Variants in MAGI2 observed in about 807,000 individuals in gnomAD.
The protein encoded by MAGI2 is membrane-associated guanylate kinase, WW and PDZ domain-containing protein 2.
In MAGI2, 35 loss-of-function variants were observed where a neutral mutation model predicts 133.3. That is an observed-to-expected ratio of 0.26 (90% CI 0.20 to 0.35). The LOEUF is 0.35. MAGI2 is among the 10% of genes least tolerant of loss of function. The pLI, the probability that MAGI2 is intolerant of heterozygous loss-of-function variation, is 1.00. For synonymous variants in MAGI2, 729 were observed against 710.6 expected (o/e 1.03, Z -0.41); for missense variants, 1,636 against 1,863.4 (o/e 0.88, Z 2.25).
At position 78,019,533 on chromosome 7, in the gene MAGI2, C is replaced by T. The variant is rs1808091846; in HGVS notation, c.4150G>A (p.Gly1384Arg). 1 of 980,452 alleles carries T rather than the reference C, an allele frequency of 1.0e-6. No individual in the cohort carries two copies. Among genetic ancestry groups the T allele is most frequent in the African/African-American group, 1.8e-5 (1 of 56,546 alleles). The allele number at this position is 980,452 out of a possible 1,614,324, so 60.7% of individuals were successfully genotyped here. The change falls in exon 22 of 22, where the codon GGG becomes AGG. Residue 1384 changes from glycine to arginine, a missense_variant. Gly to Arg is a moderately radical substitution (Grantham distance 125). This residue lies in a region of MAGI2 where 354 missense variants were observed against 298.7 expected (regional missense o/e 1.19). Transcript: ENST00000354212. ...GGGCCGGCAAACGCCGGCGCAGCCC[C>T]CGGGCCTTCGCGCCGGCAGAGCTCG... is the stretch of plus-strand genomic sequence containing the variant. ...GSELCRREGP[G>R]AAPAFAGPGG...
chr7:79,399,348 C>T (rs1845308320), intron 1 of MAGI2, among the ~76,000 whole-genome samples: 1 of 151,948 alleles, frequency 6.6e-6, no homozygotes, highest in Non-Finnish European at 1.5e-5. Context: ...CCCACCTCAG[C>T]CTCCCAAAGT....
chr7:79,028,679 T>C (rs780200744), intron 1 of MAGI2, among the ~76,000 whole-genome samples: 13 of 152,274 alleles, frequency 8.5e-5, no homozygotes, highest in Non-Finnish European at 1.3e-4. Flanking sequence ...CCCTGCCTAA[T>C]TGATGACTTA....
At chr7:78,938,653 G>A (rs1800725419) in intron 2 of MAGI2, among the ~76,000 whole-genome samples, 1 of 152,014 alleles carries the variant, frequency 6.6e-6, no homozygotes, top group South Asian at 2.1e-4. Flanking sequence ...ATCCAAGACT[G>A]GGCTACTTAG....
At chr7:78,479,493 G>A (rs1474423411) in intron 6 of MAGI2, among the ~76,000 whole-genome samples, 1 of 151,842 alleles carries the variant, frequency 6.6e-6, no homozygotes, top group Non-Finnish European at 1.5e-5. Context: ...ACTTGCAAGT[G>A]GCACCAGCAG....
chr7:78,366,836 G>A (rs1364462655), intron 7 of MAGI2, among the ~76,000 whole-genome samples: 1 of 151,994 alleles, frequency 6.6e-6, no homozygotes, highest in Non-Finnish European at 1.5e-5. Context: ...ACTGACACTG[G>A]TCAACTCTAT....
chr7:79,042,138 A>C (rs1330171519), intron 1 of MAGI2, among the ~76,000 whole-genome samples: 1 of 152,208 alleles, frequency 6.6e-6, no homozygotes, highest in Non-Finnish European at 1.5e-5. Flanking sequence ...AATATTTACA[A>C]CTTAATTATC....
At chr7:78,229,296 G>A (rs939053788) in intron 10 of MAGI2, among the ~76,000 whole-genome samples, 4 of 152,178 alleles carry the variant, frequency 2.6e-5, no homozygotes, top group African/African-American at 9.7e-5. Flanking sequence ...AGCTCCATTA[G>A]AGGTAAGGAA....
intron 2 of MAGI2, among the ~76,000 whole-genome samples, chr7:78,741,989 A>C (rs1290800081): frequency 2.6e-5 from 4 of 152,032 alleles, no homozygotes; most frequent in African/African-American, 9.6e-5. Context: ...TAATAACTAG[A>C]AATTAATCAT....
chr7:78,023,297 A>C (rs1467279443), intron 21 of MAGI2, among the ~76,000 whole-genome samples: 1 of 152,182 alleles, frequency 6.6e-6, no homozygotes, highest in Non-Finnish European at 1.5e-5. Flanking sequence ...AGAAGAGTTC[A>C]ATTTAGTTCT....
At chr7:78,908,033 C>T (rs1431813550) in intron 2 of MAGI2, among the ~76,000 whole-genome samples, 1 of 152,034 alleles carries the variant, frequency 6.6e-6, no homozygotes, top group Non-Finnish European at 1.5e-5. Flanking sequence ...AGATGATGTC[C>T]TACCTAAAAG....
chr7:78,745,154 T>G (rs1296205131), intron 2 of MAGI2, among the ~76,000 whole-genome samples: 1 of 152,226 alleles, frequency 6.6e-6, no homozygotes, highest in African/African-American at 2.4e-5. Flanking sequence ...CTGTGCTTTT[T>G]TCTTCTCATG....
intron 3 of MAGI2, among the ~76,000 whole-genome samples, chr7:78,583,175 T>C (rs775325158): frequency 2.4e-4 from 37 of 152,188 alleles, no homozygotes; most frequent in Non-Finnish European, 7.3e-5. Flanking sequence ...AAAAAAGAAC[T>C]GAGCCTTGAC....
rs147334421 is a variant in MAGI2 at position 78,425,718 on chromosome 7, G to C, written c.1046-56505C>G. ...TGGAGAAACCTCACAAACTTTCTTGGGCAATAAAGGCATCTGAGATGTCAG... is the reference window on the plus strand; with the variant it reads ...TGGAGAAACCTCACAAACTTTCTTGCGCAATAAAGGCATCTGAGATGTCAG... On this transcript the variant is annotated intron_variant, in intron 6 of 21. Coordinates refer to ENST00000354212, the MANE Select transcript of MAGI2 (RefSeq NM_012301.4). Among the ~76,000 whole-genome samples, 696 of 152,224 alleles carry C rather than the reference G, an allele frequency of 4.6e-3. 14 individuals are homozygous for C. Among genetic ancestry groups the C allele is most frequent in the African/African-American group, 8.9e-3 (370 of 41,528 alleles).
At chr7:78,272,907 A>G (rs866293661) in intron 9 of MAGI2, among the ~76,000 whole-genome samples, 1 of 152,000 alleles carries the variant, frequency 6.6e-6, no homozygotes, top group Non-Finnish European at 1.5e-5. Context: ...TTGCCAGTCT[A>G]TGTCTTTTAA....
intron 7 of MAGI2, among the ~76,000 whole-genome samples, chr7:78,364,908 C>G (rs1380309161): frequency 6.6e-6 from 1 of 152,200 alleles, no homozygotes; most frequent in African/African-American, 2.4e-5. Context: ...GTGCTAAGTG[C>G]TGCACCATCA....
chr7:78,721,512 G>C (rs928851154), intron 2 of MAGI2, among the ~76,000 whole-genome samples: 1 of 151,992 alleles, frequency 6.6e-6, no homozygotes, highest in Admixed American at 6.6e-5. Flanking sequence ...CCTTATCACA[G>C]AGGCAGGTCC....
At chr7:78,808,417 T>G (rs1195770863) in intron 2 of MAGI2, among the ~76,000 whole-genome samples, 1 of 151,938 alleles carries the variant, frequency 6.6e-6, no homozygotes, top group Non-Finnish European at 1.5e-5. Flanking sequence ...CCACCACGCC[T>G]GGCTAATTTT....
intron 9 of MAGI2, among the ~76,000 whole-genome samples, chr7:78,301,803 C>CTTAA (rs1797853553): frequency 6.6e-6 from 1 of 152,144 alleles, no homozygotes; most frequent in Admixed American, 6.5e-5. Context: ...AGAGTATGTG[C>CTTAA]TTAAGATCAG....
At chr7:78,678,360 A>C (rs34428819) in intron 2 of MAGI2, among the ~76,000 whole-genome samples, 45,526 of 151,950 alleles carry the variant, frequency 0.3, 7,226 homozygotes, top group Middle Eastern at 0.37. Flanking sequence ...CAGTCAACAT[A>C]TTGCCTGCTT....
Sources: allele counts gnomAD v4.1 joint callset (sites outside exome capture counted in the v4.1 genomes callset), GRCh38; gene constraint gnomAD v4.1.1; regional missense constraint gnomAD v4.1.1; transcripts MANE v1.5; gene names NCBI Gene and HGNC (gene_info 2026-07-23, HGNC 2026-07-21).